CSMD1: variants seen among roughly 807,000 people sequenced by gnomAD.
The protein encoded by CSMD1 is CUB and Sushi multiple domains 1.
In CSMD1, 213 loss-of-function variants were observed where a neutral mutation model predicts 417.5. That is an observed-to-expected ratio of 0.51 (90% CI 0.46 to 0.57). The LOEUF (loss-of-function observed/expected upper bound fraction) is 0.57, where lower values mean the gene tolerates loss of function less well. Ranked by LOEUF, CSMD1 falls within the 20% of genes least tolerant of loss-of-function variation. The pLI is 0.00. For missense variants in CSMD1, 6,923 were observed against 4,529.7 expected (o/e 1.53, Z -15.17); for synonymous variants, 2,862 against 1,736.8 (o/e 1.65, Z -16.11).
intron 11 of CSMD1, among the ~76,000 whole-genome samples, chr8:3,492,292 A>C (rs1360467118): frequency 6.6e-6 from 1 of 152,156 alleles, no homozygotes; most frequent in African/African-American, 2.4e-5. Context: ...GAAGGAAATA[A>C]GGAGACTTTT....
chr8:3,603,810 A>G (rs1801477002), intron 8 of CSMD1, among the ~76,000 whole-genome samples: 4 of 152,364 alleles, frequency 2.6e-5, no homozygotes, highest in Non-Finnish European at 5.9e-5. Context: ...GGAAGAAGGA[A>G]TAACAATCAT....
At chr8:4,847,633 G>GACCCC (rs1193531504) in intron 1 of CSMD1, among the ~76,000 whole-genome samples, 3 of 151,828 alleles carry the variant, frequency 2.0e-5, no homozygotes, top group Non-Finnish European at 4.4e-5. Flanking sequence ...CCCCACCGAG[G>GACCCC]ACCCTGTATA....
chr8:3,181,185 T>C lies in CSMD1; in HGVS notation c.5650A>G (p.Thr1884Ala). 1 of 1,613,830 alleles carries C rather than the reference T, an allele frequency of 6.2e-7. No homozygotes were observed. Among genetic ancestry groups the C allele is most frequent in the Non-Finnish European group, 8.5e-7 (1 of 1,179,790 alleles). The stretch of plus-strand genomic sequence containing the variant: ...AAATGCAGGTAGAGTTGGTTGGAAG[T>C]ACTGTTCAGCAGTGCCGGTACTGTG... ...GTTVPALLNSTSNQLYLHFQS... is the reference protein window; with the variant it reads ...GTTVPALLNSASNQLYLHFQS... Residue 1884 changes from threonine (T) to alanine (A), a missense_variant, in exon 37 of 70, where the codon ACT (threonine) becomes GCT (alanine). Transcript: ENST00000635120.
chr8:3,822,506 C>G (rs1801796072), intron 5 of CSMD1, among the ~76,000 whole-genome samples: 1 of 152,214 alleles, frequency 6.6e-6, no homozygotes. Context: ...GCTAGGTACT[C>G]ATGCACAGCA....
chr8:3,879,671 C>A (rs1475376940), intron 5 of CSMD1, among the ~76,000 whole-genome samples: 1 of 152,146 alleles, frequency 6.6e-6, no homozygotes, highest in Admixed American at 6.6e-5. Flanking sequence ...ACCAATATTT[C>A]TTGACGTCAC....
chr8:3,401,613 G>A (rs1812043355), intron 15 of CSMD1, among the ~76,000 whole-genome samples: 1 of 152,176 alleles, frequency 6.6e-6, no homozygotes, highest in Non-Finnish European at 1.5e-5. Context: ...TGCAACTGTA[G>A]TAGCTACAGT....
chr8:3,376,740 C>T (rs1245026418), intron 18 of CSMD1, among the ~76,000 whole-genome samples: 3 of 152,014 alleles, frequency 2.0e-5, no homozygotes, highest in African/African-American at 7.3e-5. Context: ...GCTATGCACC[C>T]AGCACAGACA....
intron 12 of CSMD1, among the ~76,000 whole-genome samples, chr8:3,422,637 A>T (rs957064220): frequency 6.6e-6 from 1 of 152,184 alleles, no homozygotes; most frequent in African/African-American, 2.4e-5. Context: ...AGTGGGAAAT[A>T]AATTAAATAT....
At chr8:3,949,380 AC>A (rs1448918963) in intron 5 of CSMD1, among the ~76,000 whole-genome samples, 1 of 152,184 alleles carries the variant, frequency 6.6e-6, no homozygotes, top group Non-Finnish European at 1.5e-5. Flanking sequence ...CCTGGAAACA[AC>A]CACTTTACTT....
intron 1 of CSMD1, among the ~76,000 whole-genome samples, chr8:4,703,468 T>C (rs960403403): frequency 2.0e-5 from 3 of 152,300 alleles, no homozygotes; most frequent in African/African-American, 7.2e-5. Context: ...CACCAATGTA[T>C]GGATAATTTG....
chr8:3,275,428 A>G (rs1165335173), intron 26 of CSMD1, among the ~76,000 whole-genome samples: 8 of 151,674 alleles, frequency 5.3e-5, no homozygotes, highest in Non-Finnish European at 4.4e-5. Flanking sequence ...CTTCTCGAGG[A>G]GTATCTTTGT....
intron 2 of CSMD1, among the ~76,000 whole-genome samples, chr8:4,514,900 G>C (rs543369911): frequency 6.6e-6 from 1 of 152,196 alleles, no homozygotes; most frequent in South Asian, 2.1e-4. Flanking sequence ...AAGATGGCTC[G>C]AGAACAGAGT....
chr8:3,513,188 T>A (rs960317242), intron 10 of CSMD1, among the ~76,000 whole-genome samples: 3 of 152,046 alleles, frequency 2.0e-5, no homozygotes, highest in Non-Finnish European at 4.4e-5. Context: ...CTGGCAAACT[T>A]TGGGAAAAAA....
intron 39 of CSMD1, among the ~76,000 whole-genome samples, chr8:3,153,436 T>C (rs1563091568): frequency 6.6e-6 from 1 of 152,204 alleles, no homozygotes; most frequent in Non-Finnish European, 1.5e-5. Context: ...CGTCCTGAAT[T>C]CTTTCTTGCA....
In CSMD1 at chr8:4,738,915, G is replaced by GTGTGTGTGTGTGTGTGTA. The variant is rs1373054433; in HGVS notation, c.86-101358_86-101357insTACACACACACACACACA. Reference sequence around the variant, plus strand: ...AAATTCTGTGTGTTTGTGTGTGTGTGTGTGTGTATGTGTTAGAAGGCAATG... The same window carrying GTGTGTGTGTGTGTGTGTA: ...AAATTCTGTGTGTTTGTGTGTGTGTGTGTGTGTGTGTGTGTGTATGTGTGTATGTGTTAGAAGGCAATG... On this transcript the variant is annotated intron_variant, in intron 1 of 69. Coordinates refer to ENST00000635120, the MANE Select transcript of CSMD1 (RefSeq NM_033225.6). Among the ~76,000 whole-genome samples the GTGTGTGTGTGTGTGTGTA allele has an allele frequency of 2.5e-3, 383 of 152,122 alleles. 1 individual carries two copies. The highest frequency in any genetic ancestry group is 8.8e-3 in the African/African-American group (365 of 41,478).
intron 3 of CSMD1, among the ~76,000 whole-genome samples, chr8:4,319,581 C>T (rs1019977441): frequency 2.0e-5 from 3 of 152,094 alleles, no homozygotes; most frequent in Admixed American, 2.0e-4. Context: ...TGTTGAATAA[C>T]AGGAAATACA....
chr8:3,773,636 G>C lies in CSMD1; in HGVS notation c.819-19594C>G, dbSNP rs184651298. 2.8e-4 allele frequency among the ~76,000 whole-genome samples: 42 copies of C among 152,136 alleles called. 1 individual carries two copies. In the East Asian group the frequency reaches 7.6e-3, roughly 27 times the overall value. On this transcript the variant is annotated intron_variant, in intron 5 of 69. Coordinates refer to ENST00000635120, the MANE Select transcript of CSMD1 (RefSeq NM_033225.6). ...AAGTAAGTCCAGTGTAAACTATTTGGCAGTTTTATTCAATTTTGGCCTTAT... is the reference window on the plus strand; with the variant it reads ...AAGTAAGTCCAGTGTAAACTATTTGCCAGTTTTATTCAATTTTGGCCTTAT...
At chr8:4,203,224 G>A (rs1381749070) in intron 3 of CSMD1, among the ~76,000 whole-genome samples, 1 of 152,150 alleles carries the variant, frequency 6.6e-6, no homozygotes, top group Non-Finnish European at 1.5e-5. Flanking sequence ...GATGGAGAAA[G>A]AAGGCCACAA....
chr8:3,523,010 C>G lies in CSMD1; in HGVS notation c.1345-29284G>C, dbSNP rs992533836. 1.8e-5 allele frequency among the ~76,000 whole-genome samples: 2 copies of G among 112,840 alleles called. 1 individual carries two copies. Among genetic ancestry groups the G allele is most frequent in the African/African-American group, 7.7e-5 (2 of 26,014 alleles). 74.0% of individuals were successfully genotyped at this position (112,840 alleles called of 152,430 possible). A position where few individuals can be genotyped will look rare whatever the true frequency, so the allele number is the denominator to read the frequency against. On this transcript the variant is annotated intron_variant, in intron 10 of 69. Transcript: ENST00000635120. ...TACAAAATGGAGATACATATATACACACACCCACACACACACACACACACA... is the reference window on the plus strand; with the variant it reads ...TACAAAATGGAGATACATATATACAGACACCCACACACACACACACACACA...
Sources: gnomAD v4.1 joint callset for allele counts (sites outside exome capture counted in the v4.1 genomes callset) on GRCh38, gnomAD v4.1.1 for gene constraint, MANE v1.5 for transcripts, NCBI Gene and HGNC (gene_info 2026-07-23, HGNC 2026-07-21) for gene names.